The following LETM1 variants were observed in gnomAD, a reference collection of about 807,000 sequenced individuals.
LETM1 encodes the protein mitochondrial proton/calcium exchanger protein.
In LETM1, 50 loss-of-function variants were observed where a neutral mutation model predicts 74.5. The ratio of observed to expected loss-of-function variants is 0.67; its 90% CI spans 0.53 to 0.85. LETM1 has a LOEUF of 0.85. LETM1 is among the 40% of genes least tolerant of loss of function. The probability of loss-of-function intolerance (pLI) is 0.00; values close to 1 mark genes in which losing one functional copy is unlikely to be tolerated. For missense variants in LETM1, 824 were observed against 967.8 expected (o/e 0.85, Z 1.97); for synonymous variants, 446 against 407.1 (o/e 1.10, Z -1.15).
chr4:1,823,245 A>G (rs1711854764), intron 8 of LETM1, 114 bp from the exon 9 acceptor site: 1 of 1,337,438 alleles, frequency 7.5e-7, no homozygotes. Flanking sequence ...TGGGCTTCAC[A>G]CACACAGGAC....
intron 11 of LETM1, among the ~76,000 whole-genome samples, chr4:1,819,134 A>G (rs1177522897): frequency 6.6e-5 from 10 of 152,030 alleles, no homozygotes; most frequent in Non-Finnish European, 7.4e-5. Flanking sequence ...AACGGCACAC[A>G]GCCACATTAC....
chr4:1,847,262 G>A (rs1712910924), intron 2 of LETM1, among the ~76,000 whole-genome samples: 1 of 151,836 alleles, frequency 6.6e-6, no homozygotes, highest in African/African-American at 2.4e-5. Context: ...AATGGCTTGA[G>A]CCTGGGAGAT....
Position 1,850,606 on chromosome 4 carries a change from G to C in LETM1, c.83-1397C>G, listed in dbSNP as rs189359480. 2.1e-4 allele frequency among the ~76,000 whole-genome samples: 29 copies of C among 135,994 alleles called. No homozygotes were observed. In the East Asian group the frequency reaches 6.0e-3, roughly 28 times the overall value. 89.2% of individuals were successfully genotyped at this position (135,994 alleles called of 152,430 possible). On this transcript the variant is annotated intron_variant, in intron 1 of 13. Coordinates refer to ENST00000302787, the MANE Select transcript of LETM1 (RefSeq NM_012318.3). ...TGCAGTGAGCTGAGATCGCACCACT[G>C]AACTGCAGCCTGGGCGACAGAGCAA...
Position 1,823,054 on chromosome 4 carries a change from C to T in LETM1, c.1410G>A (p.Leu470=), listed in dbSNP as rs1408068142. The T allele has an allele frequency of 6.2e-7, 1 of 1,610,306 alleles. No homozygotes were observed. Among genetic ancestry groups the T allele is most frequent in the South Asian group, 1.1e-5 (1 of 90,756 alleles). ...VDNKAKLEAT[L]QEEAAIQQEH... is the part of the protein sequence containing the mutation. Reference sequence around the variant, plus strand: ...CCTGCTGGATGGCCGCCTCCTCCTGCAGCGTGGCCTCCAGCTTGGCCTTGT... The same window carrying T: ...CCTGCTGGATGGCCGCCTCCTCCTGTAGCGTGGCCTCCAGCTTGGCCTTGT... Residue 470 remains leucine (L), a synonymous_variant, in exon 9 of 14, where the codon CTG becomes CTA. Transcript: ENST00000302787.
At chr4:1,830,584 T>C (rs1330637725) in intron 6 of LETM1, among the ~76,000 whole-genome samples, 1 of 152,254 alleles carries the variant, frequency 6.6e-6, no homozygotes, top group Non-Finnish European at 1.5e-5. Flanking sequence ...TCCTCCCACC[T>C]TGGCCTCCCA....
chr4:1,839,604 T>A lies in LETM1; in HGVS notation c.594+1743A>T, dbSNP rs1421531549. 2.6e-5 allele frequency among the ~76,000 whole-genome samples: 4 copies of A among 152,256 alleles called. No homozygotes were observed. In the East Asian group the frequency reaches 5.8e-4, roughly 22 times the overall value. On this transcript the variant is annotated intron_variant, in intron 3 of 13. Transcript: ENST00000302787. ...TATTGGTTCCTGGCTCTACTGCCCT[T>A]GTTACAGTCTTGTGATAATGTTAGG...
chr4:1,825,885 G>A (rs1053770784), intron 6 of LETM1, among the ~76,000 whole-genome samples: 41 of 151,986 alleles, frequency 2.7e-4, no homozygotes, highest in Non-Finnish European at 1.5e-4. Flanking sequence ...GAACGGCCAC[G>A]GTCAACCCCG....
chr4:1,821,833 C>T (rs1400228341), intron 10 of LETM1, among the ~76,000 whole-genome samples: 1 of 152,178 alleles, frequency 6.6e-6, no homozygotes, highest in East Asian at 1.9e-4. Flanking sequence ...CTTGAGGGGC[C>T]ACATTGGCTT....
chr4:1,847,467 C>A (rs946697975), intron 2 of LETM1, among the ~76,000 whole-genome samples: 1 of 152,062 alleles, frequency 6.6e-6, no homozygotes, highest in South Asian at 2.1e-4. Context: ...TCCAGACTGA[C>A]GAGGTTTGGG....
intron 2 of LETM1, among the ~76,000 whole-genome samples, chr4:1,843,371 C>G (rs1712771501): frequency 6.6e-6 from 1 of 152,230 alleles, no homozygotes; most frequent in African/African-American, 2.4e-5. Context: ...GCTTGTTTCT[C>G]AGATGGGGAT....
chr4:1,852,418 C>T (rs919079189), intron 1 of LETM1, among the ~76,000 whole-genome samples: 2 of 152,204 alleles, frequency 1.3e-5, no homozygotes, highest in Non-Finnish European at 2.9e-5. Context: ...CCAGCCTCCT[C>T]ACCCAGAAGT....
intron 8 of LETM1, among the ~76,000 whole-genome samples, 159 bp from the exon 9 acceptor site, chr4:1,823,290 G>A (rs1346346182): frequency 6.6e-6 from 1 of 152,244 alleles, no homozygotes; most frequent in Non-Finnish European, 1.5e-5. Context: ...CGCAATTGCT[G>A]GGAGGCCCCT....
chr4:1,842,658 G>A (rs1311313744), intron 2 of LETM1, among the ~76,000 whole-genome samples: 4 of 152,180 alleles, frequency 2.6e-5, no homozygotes, highest in African/African-American at 9.6e-5. Context: ...AGGCCTCACA[G>A]GCAGCAGTGG....
At chr4:1,829,400 C>T (rs1379224676) in intron 6 of LETM1, among the ~76,000 whole-genome samples, 4 of 151,846 alleles carry the variant, frequency 2.6e-5, no homozygotes, top group African/African-American at 9.7e-5. Flanking sequence ...GGGGGGCTGA[C>T]CCCCCAACCT....
At chr4:1,845,831 G>A (rs893849742) in intron 2 of LETM1, among the ~76,000 whole-genome samples, 3 of 151,246 alleles carry the variant, frequency 2.0e-5, no homozygotes, top group Admixed American at 6.6e-5. Flanking sequence ...GGCATGAGCC[G>A]CTGCACCTTG....
chr4:1,823,756 T>G lies in LETM1; in HGVS notation c.1220A>C (p.His407Pro). The G allele has an allele frequency of 1.9e-6, 3 of 1,612,518 alleles. No individual in the cohort carries two copies. Among genetic ancestry groups the G allele is most frequent in the Non-Finnish European group, 2.5e-6 (3 of 1,179,208 alleles). ...GAGCAGCGATGTGGGGATCTCCTGA[T>G]GCAGGTGCAGGTCCAGCCACTGCAA... is the stretch of plus-strand genomic sequence containing the variant. Reference protein sequence around the residue: ...QLKQWLDLHLHQEIPTSLLIL... With the variant: ...QLKQWLDLHLPQEIPTSLLIL... Residue 407 changes from histidine to proline, a missense_variant, in exon 8 of 14, where the codon CAT becomes CCT. Transcript: ENST00000302787.
chr4:1,823,874 G>A, intron 7 of LETM1, 99 bp from the exon 8 acceptor site: 2 of 1,340,066 alleles, frequency 1.5e-6, no homozygotes, highest in Non-Finnish European at 1.0e-6. Flanking sequence ...TCTCAGAGAA[G>A]ACAGTGTCTC....
chr4:1,844,675 G>A (rs1291282432), intron 2 of LETM1, among the ~76,000 whole-genome samples: 1 of 151,804 alleles, frequency 6.6e-6, no homozygotes, highest in Non-Finnish European at 1.5e-5. Flanking sequence ...AGGCTGCAGG[G>A]AGGCAGAGGC....
intron 2 of LETM1, among the ~76,000 whole-genome samples, chr4:1,844,019 A>G (rs753856564): frequency 1.3e-5 from 2 of 151,998 alleles, no homozygotes; most frequent in Non-Finnish European, 2.9e-5. Context: ...CAACTCCACA[A>G]CCCTCAGTTA....
Sources: gnomAD v4.1 joint callset for allele counts (sites outside exome capture counted in the v4.1 genomes callset) on GRCh38, gnomAD v4.1.1 for gene constraint, MANE v1.5 for transcripts, NCBI Gene and HGNC (gene_info 2026-07-23, HGNC 2026-07-21) for gene names.